Variants in TEX9 observed in about 807,000 individuals in gnomAD.
The protein encoded by TEX9 is testis-expressed protein 9.
A neutral mutation model predicts 59.6 loss-of-function variants in TEX9; 74 were observed. The ratio of observed to expected loss-of-function variants is 1.24; its 90% CI spans 1.03 to 1.51. The LOEUF (loss-of-function observed/expected upper bound fraction) is 1.51. Ranked by LOEUF, TEX9 falls within the 40% of genes most tolerant of loss-of-function variation. TEX9 has a pLI of 0.00. For synonymous variants in TEX9, 186 were observed against 152.2 expected (o/e 1.22, Z -1.64); for missense variants, 522 against 447.8 (o/e 1.17, Z -1.49).
intron 10 of TEX9, among the ~76,000 whole-genome samples, chr15:56,415,592 T>G (rs79740888): frequency 2.6e-5 from 4 of 151,884 alleles, no homozygotes; most frequent in African/African-American, 9.7e-5. Flanking sequence ...TCTATGTGCC[T>G]GTTTTTGTAA....
chr15:56,302,194 A>C (rs2045375240), intron 1 of TEX9, among the ~76,000 whole-genome samples: 1 of 152,142 alleles, frequency 6.6e-6, no homozygotes. Flanking sequence ...TCAAATCAAA[A>C]AACCTCCAAC....
intron 1 of TEX9, among the ~76,000 whole-genome samples, chr15:56,288,254 T>C (rs888962044): frequency 4.0e-5 from 6 of 151,844 alleles, no homozygotes; most frequent in African/African-American, 1.5e-4. Flanking sequence ...GTGCTTTTAA[T>C]TTGCATTTCT....
At chr15:56,382,878 T>G (rs2047794531) in intron 3 of TEX9, among the ~76,000 whole-genome samples, 1 of 152,188 alleles carries the variant, frequency 6.6e-6, no homozygotes, top group Non-Finnish European at 1.5e-5. Context: ...CCCTGGTTGG[T>G]GTTTTCCTAG....
At chr15:56,438,158 G>A (rs1349114620) in intron 12 of TEX9, among the ~76,000 whole-genome samples, 3 of 152,100 alleles carry the variant, frequency 2.0e-5, no homozygotes, top group Non-Finnish European at 2.9e-5. Flanking sequence ...ACATTGCCAA[G>A]ACAATCCTAA....
chr15:56,396,806 G>A (rs1360642992), intron 9 of TEX9: 1 of 152,170 alleles, frequency 6.6e-6, no homozygotes, highest in Non-Finnish European at 1.5e-5. Flanking sequence ...TGCTATGTGA[G>A]ACATGCCTTT....
chr15:56,299,418 C>T (rs755525892), intron 1 of TEX9, among the ~76,000 whole-genome samples: 1 of 152,196 alleles, frequency 6.6e-6, no homozygotes, highest in Non-Finnish European at 1.5e-5. Context: ...TGGGCTAAAA[C>T]ACTCAGGGTC....
intron 1 of TEX9, among the ~76,000 whole-genome samples, chr15:56,353,644 A>G (rs1159244821): frequency 1.3e-5 from 2 of 152,242 alleles, no homozygotes; most frequent in Non-Finnish European, 2.9e-5. Flanking sequence ...TGAAAACAAA[A>G]TCTAATAAAA....
chr15:56,362,194 G>A (rs1295993255), upstream of TEX9, among the ~76,000 whole-genome samples: 1 of 152,152 alleles, frequency 6.6e-6, no homozygotes, highest in African/African-American at 2.4e-5. Context: ...GCTGTCCAGA[G>A]CAACTCTTGC....
At chr15:56,385,996 T>G (rs1325853707) in intron 4 of TEX9, among the ~76,000 whole-genome samples, 1 of 152,078 alleles carries the variant, frequency 6.6e-6, no homozygotes, top group Non-Finnish European at 1.5e-5. Flanking sequence ...AACCTGCATG[T>G]GAATTTTTAG....
chr15:56,431,900 C>CATAT (rs550793978), intron 12 of TEX9, among the ~76,000 whole-genome samples: 7 of 150,224 alleles, frequency 4.7e-5, no homozygotes, highest in Non-Finnish European at 7.4e-5. Context: ...AGGATATTTT[C>CATAT]ATATATATAT....
chr15:56,365,293 G>T, upstream of TEX9: 2 of 972,580 alleles, frequency 2.1e-6, no homozygotes, highest in South Asian at 3.5e-5. Flanking sequence ...CGAGTGCTGC[G>T]AGCAAAGGCC....
chr15:56,259,072 T>G (rs1432819095), intron 1 of TEX9, among the ~76,000 whole-genome samples: 1 of 152,002 alleles, frequency 6.6e-6, no homozygotes, highest in Non-Finnish European at 1.5e-5. Context: ...CCATCTTTTA[T>G]GTTTTATGTT....
intron 12 of TEX9, chr15:56,444,752 G>T: frequency 8.4e-7 from 1 of 1,186,604 alleles, no homozygotes; most frequent in Non-Finnish European, 1.2e-6. Context: ...CAATGTTATT[G>T]AATATTATAA....
intron 9 of TEX9, among the ~76,000 whole-genome samples, chr15:56,411,619 G>T (rs2049351312): frequency 6.6e-6 from 1 of 152,106 alleles, no homozygotes; most frequent in Admixed American, 6.6e-5. Context: ...AGTTACTGCT[G>T]GTATTACTGA....
chr15:56,406,557 T>C (rs1468824505), intron 9 of TEX9, among the ~76,000 whole-genome samples: 2 of 152,182 alleles, frequency 1.3e-5, no homozygotes, highest in Non-Finnish European at 2.9e-5. Flanking sequence ...CATTTTACAT[T>C]CCCACTAGCA....
intron 9 of TEX9, among the ~76,000 whole-genome samples, chr15:56,405,953 TGAA>T (rs1345312865): frequency 4.6e-5 from 7 of 152,208 alleles, no homozygotes; most frequent in Admixed American, 4.6e-4. Context: ...TCAACTTTAT[TGAA>T]GAATAACAAA....
intron 4 of TEX9, among the ~76,000 whole-genome samples, chr15:56,385,265 G>A (rs1183922188): frequency 6.6e-6 from 1 of 152,142 alleles, no homozygotes; most frequent in Non-Finnish European, 1.5e-5. Flanking sequence ...TAACTGTGGA[G>A]TTGTGGAGTA....
chr15:56,372,335 G>T (rs527589370), intron 2 of TEX9, among the ~76,000 whole-genome samples: 1 of 151,282 alleles, frequency 6.6e-6, no homozygotes, highest in East Asian at 1.9e-4. Flanking sequence ...TTTTTCCCTG[G>T]GGGTGGAGAT....
intron 1 of TEX9, among the ~76,000 whole-genome samples, chr15:56,297,207 A>G (rs1193248407): frequency 2.0e-5 from 3 of 152,230 alleles, no homozygotes; most frequent in African/African-American, 7.2e-5. Flanking sequence ...ATTGCATGTC[A>G]TGAGGATAGA....
Sources: gnomAD v4.1 joint callset for allele counts (sites outside exome capture counted in the v4.1 genomes callset) on GRCh38, gnomAD v4.1.1 for gene constraint, MANE v1.5 for transcripts, NCBI Gene and HGNC (gene_info 2026-07-23, HGNC 2026-07-21) for gene names.